TMEM101: variants seen among roughly 807,000 people sequenced by gnomAD.
The protein encoded by TMEM101 is transmembrane protein 101, also known as putative NF-kappa-B-activating protein 130.
A neutral mutation model predicts 26.0 loss-of-function variants in TMEM101; 14 were observed. The observed-to-expected ratio is 0.54, with a 90% CI of 0.36 to 0.84. The LOEUF is 0.84. Ranked by LOEUF, TMEM101 falls within the 40% of genes least tolerant of loss-of-function variation. The probability of loss-of-function intolerance (pLI) is 0.01; values close to 1 mark genes in which losing one functional copy is unlikely to be tolerated. For missense variants in TMEM101, 292 were observed against 345.1 expected, an observed-to-expected ratio of 0.85 and a Z score of 1.22; for synonymous variants, 152 against 145.1, an observed-to-expected ratio of 1.05 and a Z score of -0.34.
intron 1 of TMEM101, 39 bp downstream of exon 1, chr17:44,014,777 G>A: frequency 6.5e-7 from 1 of 1,527,826 alleles, no homozygotes. Flanking sequence ...CCACATCACC[G>A]CCCCCTGCCG....
At chr17:44,015,070 ATTCTCT>A, upstream of TMEM101, 1 of 1,404,388 alleles carries the variant, frequency 7.1e-7, no homozygotes, top group Non-Finnish European at 9.6e-7. Flanking sequence ...CAACGGTGTC[ATTCTCT>A]AGTTCCGGAT....
chr17:44,013,973 T>C (rs557623419), intron 2 of TMEM101, among the ~76,000 whole-genome samples: 1 of 152,320 alleles, frequency 6.6e-6, no homozygotes, highest in Non-Finnish European at 1.5e-5. Flanking sequence ...AATTACATTT[T>C]CATAAAATTT....
At chr17:44,015,965 T>C (rs1228117169), upstream of TMEM101, among the ~76,000 whole-genome samples, 1 of 152,116 alleles carries the variant, frequency 6.6e-6, no homozygotes, top group Non-Finnish European at 1.5e-5. Context: ...TCAGTTTAAT[T>C]GCAGCAGACA....
upstream of TMEM101, among the ~76,000 whole-genome samples, chr17:44,018,073 C>T (rs755183358): frequency 6.6e-6 from 1 of 152,072 alleles, no homozygotes; most frequent in East Asian, 1.9e-4. Flanking sequence ...TGCAGTGAGT[C>T]GAGATCGCAC....
In TMEM101 at chr17:44,012,109, T is replaced by C. The variant is rs1229486599; in HGVS notation, c.593A>G (p.Tyr198Cys). 2.0e-5 allele frequency: 33 copies of C among 1,614,088 alleles called. No individual in the cohort carries two copies. In the Admixed American group the frequency reaches 5.5e-4, roughly 27 times the overall value. The change falls in exon 4 of 4, where the codon TAC (tyrosine) becomes TGC (cysteine). Residue 198 changes from tyrosine (Y) to cysteine (C), a missense_variant. Coordinates refer to ENST00000206380, the MANE Select transcript of TMEM101 (RefSeq NM_032376.4). ...GILALAFLSGYYVTLAAQILA... is the reference protein window; with the variant it reads ...GILALAFLSGCYVTLAAQILA... ...GATCTGGGCAGCGAGGGTCACGTAG[T>C]AGCCTGACAGAAAGGCCAGGGCCAG...
rs771092715 is a variant in TMEM101, at chr17:44,014,427, G to A, written c.248C>T (p.Ala83Val). 1.3e-6 allele frequency: 2 copies of A among 1,556,800 alleles called. No individual in the cohort carries two copies. Among genetic ancestry groups the A allele is most frequent in the South Asian group, 2.4e-5 (2 of 84,556 alleles). Residue 83 changes from alanine to valine, a missense_variant, in exon 2 of 4, where the codon GCA becomes GTA. By Grantham distance (64) the Ala-to-Val change is moderately conservative (BLOSUM62 0). Coordinates refer to ENST00000206380, the MANE Select transcript of TMEM101 (RefSeq NM_032376.4). ...GTAGGTGCTAATGGCCAATTGGAGT[G>A]CGGCCCCCAGCGCGAACCAGCGCCG... ...VKRRWFALGA[A>V]LQLAISTYAA... is the part of the protein sequence containing the mutation.
chr17:44,015,380 T>C (rs370590657), upstream of TMEM101, among the ~76,000 whole-genome samples: 30 of 69,126 alleles, frequency 4.3e-4, no homozygotes, highest in African/African-American at 8.8e-4. Flanking sequence ...GTGAACTTTT[T>C]TTTTCTTTTT....
chr17:44,015,101 T>C, upstream of TMEM101: 1 of 1,117,838 alleles, frequency 8.9e-7, no homozygotes, highest in East Asian at 2.7e-5. Context: ...GGTGACCCAG[T>C]TGCGAAGTCC....
At chr17:44,017,666 G>A (rs1193300145), upstream of TMEM101, among the ~76,000 whole-genome samples, 2 of 151,260 alleles carry the variant, frequency 1.3e-5, no homozygotes, top group Non-Finnish European at 2.9e-5. Flanking sequence ...GGGAGGCTGA[G>A]GCAGGAGAAT....
At chr17:44,016,336 CTAAT>C (rs1392857986), upstream of TMEM101, among the ~76,000 whole-genome samples, 1 of 152,054 alleles carries the variant, frequency 6.6e-6, no homozygotes, top group Non-Finnish European at 1.5e-5. Flanking sequence ...CCACACCCGG[CTAAT>C]TTTTATTTTT....
intron 2 of TMEM101, 65 bp downstream of exon 2, chr17:44,014,292 C>CT: frequency 6.6e-7 from 1 of 1,509,368 alleles, no homozygotes; most frequent in Non-Finnish European, 8.9e-7. Flanking sequence ...ACCAACAGCC[C>CT]TGGGCATTGG....
chr17:44,019,032 C>G (rs950344580), upstream of TMEM101, among the ~76,000 whole-genome samples: 3 of 152,136 alleles, frequency 2.0e-5, no homozygotes, highest in Non-Finnish European at 4.4e-5. Context: ...TGTGGTCCCC[C>G]CACTCCCAGT....
At chr17:44,014,710 G>A in intron 1 of TMEM101, 106 bp downstream of exon 1, 1 of 1,508,186 alleles carries the variant, frequency 6.6e-7, no homozygotes, top group Non-Finnish European at 8.9e-7. Context: ...CCCCTCCCAG[G>A]GAGGTCCCAA....
At chr17:44,023,190 T>C (rs1054999460), upstream of TMEM101, 4 of 167,712 alleles carry the variant, frequency 2.4e-5, no homozygotes, top group African/African-American at 7.2e-5. Context: ...TGGCATGAGC[T>C]CCAGTCACAA....
upstream of TMEM101, among the ~76,000 whole-genome samples, chr17:44,017,100 G>A (rs755879615): frequency 2.0e-4 from 30 of 150,204 alleles, no homozygotes; most frequent in South Asian, 4.2e-4. Flanking sequence ...GCAGTGAGCC[G>A]AGATCACGCC....
upstream of TMEM101, among the ~76,000 whole-genome samples, chr17:44,019,895 C>T (rs2049270857): frequency 6.6e-6 from 1 of 152,192 alleles, no homozygotes; most frequent in African/African-American, 2.4e-5. Context: ...ATACACATAA[C>T]ATTCAGGATG....
chr17:44,015,147 T>A, upstream of TMEM101: 1 of 606,450 alleles, frequency 1.6e-6, no homozygotes, highest in Non-Finnish European at 2.7e-6. Context: ...TTCAGGGCCA[T>A]ATTTGTCCCT....
upstream of TMEM101, among the ~76,000 whole-genome samples, chr17:44,016,917 G>A (rs992404113): frequency 9.2e-5 from 14 of 151,962 alleles, no homozygotes; most frequent in African/African-American, 4.8e-5. Context: ...GGTGGATCAC[G>A]AGGTCAGGAG....
upstream of TMEM101, among the ~76,000 whole-genome samples, chr17:44,016,916 C>A (rs1268469547): frequency 2.6e-5 from 4 of 151,912 alleles, no homozygotes; most frequent in Admixed American, 2.6e-4. Context: ...GGGTGGATCA[C>A]GAGGTCAGGA....
Sources: gnomAD v4.1 joint callset for allele counts (sites outside exome capture counted in the v4.1 genomes callset) on GRCh38, gnomAD v4.1.1 for gene constraint, MANE v1.5 for transcripts, NCBI Gene and HGNC (gene_info 2026-07-23, HGNC 2026-07-21) for gene names.